SPATS2L: variants seen among roughly 807,000 people sequenced by gnomAD.
The protein encoded by SPATS2L is spermatogenesis associated serine rich 2 like.
In SPATS2L, 30 loss-of-function variants were observed where a neutral mutation model predicts 59.6. That is an observed-to-expected ratio of 0.50 (90% CI 0.38 to 0.68). SPATS2L has a LOEUF of 0.68. SPATS2L is among the 30% of genes least tolerant of loss of function. The probability of loss-of-function intolerance (pLI) is 0.00; values close to 1 mark genes in which losing one functional copy is unlikely to be tolerated. For missense variants in SPATS2L, 615 were observed against 700.0 expected (o/e 0.88, Z 1.37); for synonymous variants, 252 against 263.5 (o/e 0.96, Z 0.42).
upstream of SPATS2L, chr2:200,306,301 AG>A: frequency 1.0e-6 from 1 of 1,002,404 alleles, no homozygotes; most frequent in Non-Finnish European, 1.2e-6. Context: ...GGGTAGGAGA[AG>A]ATGATTCTCT....
chr2:200,389,481 A>AT (rs1401980047), intron 3 of SPATS2L, 198 bp downstream of exon 3: 2 of 484,696 alleles, frequency 4.1e-6, no homozygotes, highest in African/African-American at 2.0e-5. Context: ...TATGACACTC[A>AT]TTTTTTCATT....
Position 200,479,314 on chromosome 2 carries a change from C to A in SPATS2L, c.*1283C>A. The A allele has an allele frequency of 2.7e-6, 1 of 371,448 alleles. No individual in the cohort carries two copies. 23.0% of individuals were successfully genotyped at this position (371,448 alleles called of 1,614,324 possible). Reference sequence around the variant, plus strand: ...TTAAGACTCAAGTCTATTTTCCACACTGTCCAGAGGAGAGAAGTTATCCTA... The same window carrying A: ...TTAAGACTCAAGTCTATTTTCCACAATGTCCAGAGGAGAGAAGTTATCCTA... On this transcript the variant is annotated 3_prime_UTR_variant, in exon 13 of 13. Coordinates refer to ENST00000409140, the MANE Select transcript of SPATS2L (RefSeq NM_001100423.2).
intron 6 of SPATS2L, among the ~76,000 whole-genome samples, chr2:200,425,995 C>T (rs1219960076): frequency 6.6e-6 from 1 of 150,910 alleles, no homozygotes; most frequent in Non-Finnish European, 1.5e-5. Context: ...TGCCAACTTA[C>T]AGTGGTCTGA....
intron 1 of SPATS2L, among the ~76,000 whole-genome samples, chr2:200,324,305 A>C (rs1458069650): frequency 3.3e-5 from 5 of 152,120 alleles, no homozygotes; most frequent in Admixed American, 1.3e-4. Context: ...TGTGTGAGCT[A>C]AGTGCTGGAC....
intron 12 of SPATS2L, among the ~76,000 whole-genome samples, chr2:200,474,921 AG>A (rs780827150): frequency 3.3e-5 from 5 of 149,614 alleles, no homozygotes; most frequent in African/African-American, 4.9e-5. Flanking sequence ...CCAAGGAGAC[AG>A]GGCCACTGGA....
chr2:200,432,451 T>C (rs199716922), intron 6 of SPATS2L, among the ~76,000 whole-genome samples: 2 of 73,648 alleles, frequency 2.7e-5, no homozygotes, highest in Non-Finnish European at 7.2e-5. Context: ...GCCTAACATT[T>C]ATCCTCAAGG....
At chr2:200,355,397 T>TTTTAAAAATCTGGATGTCTGTC (rs2080880608) in intron 2 of SPATS2L, among the ~76,000 whole-genome samples, 1 of 152,260 alleles carries the variant, frequency 6.6e-6, no homozygotes, top group South Asian at 2.1e-4. Flanking sequence ...CAAGTATCCT[T>TTTTAAAAATCTGGATGTCTGTC]TTTAAAAATC....
At chr2:200,383,845 T>C (rs2081904872) in intron 2 of SPATS2L, 4 of 989,082 alleles carry the variant, frequency 4.0e-6, no homozygotes, top group Non-Finnish European at 4.9e-6. Context: ...CTTATATATT[T>C]CCTATGGTTT....
chr2:200,316,867 G>A (rs1017061480), intron 1 of SPATS2L, among the ~76,000 whole-genome samples: 5 of 152,132 alleles, frequency 3.3e-5, no homozygotes, highest in Non-Finnish European at 5.9e-5. Flanking sequence ...TAATTTGCCT[G>A]GAGCTTGGCT....
At chr2:200,443,829 A>G (rs1390386987) in intron 8 of SPATS2L, among the ~76,000 whole-genome samples, 2 of 152,252 alleles carry the variant, frequency 1.3e-5, no homozygotes, top group Non-Finnish European at 2.9e-5. Flanking sequence ...CCAAGCAAGC[A>G]CACATCAAGG....
intron 2 of SPATS2L, among the ~76,000 whole-genome samples, chr2:200,371,590 A>T (rs1476541142): frequency 6.6e-6 from 1 of 152,198 alleles, no homozygotes; most frequent in Non-Finnish European, 1.5e-5. Context: ...CAGGGTGAGA[A>T]GACTCCAGAC....
At chr2:200,387,691 C>G (rs2082035153) in intron 2 of SPATS2L, among the ~76,000 whole-genome samples, 1 of 152,082 alleles carries the variant, frequency 6.6e-6, no homozygotes, top group Non-Finnish European at 1.5e-5. Flanking sequence ...TGGGTACACT[C>G]TTTATAAGAA....
At chr2:200,435,845 T>G (rs1574528007) in intron 6 of SPATS2L, among the ~76,000 whole-genome samples, 1 of 152,194 alleles carries the variant, frequency 6.6e-6, no homozygotes, top group Non-Finnish European at 1.5e-5. Context: ...GGTAGCCACA[T>G]TTAAAAAGTG....
intron 3 of SPATS2L, among the ~76,000 whole-genome samples, chr2:200,391,868 C>G (rs1559091960): frequency 6.6e-6 from 1 of 152,158 alleles, no homozygotes; most frequent in Non-Finnish European, 1.5e-5. Flanking sequence ...CCCCAAGACA[C>G]AGAAGGACTA....
At position 200,337,361 on chromosome 2, in the gene SPATS2L, C is replaced by A. The variant is rs928147791; in HGVS notation, c.-23+7881C>A. On this transcript the variant is annotated intron_variant, in intron 2 of 12. Transcript: ENST00000409140. ...TGCGAAATTAAAGGGGTAAAACATT[C>A]TCAGGCTTTAACCCTTGAACTTTGG... 4.6e-5 allele frequency among the ~76,000 whole-genome samples: 7 copies of A among 152,184 alleles called. 1 individual carries two copies. The highest frequency in any genetic ancestry group is 7.2e-5 in the African/African-American group (3 of 41,432).
At chr2:200,339,137 A>G (rs181681786) in intron 2 of SPATS2L, among the ~76,000 whole-genome samples, 35 of 152,376 alleles carry the variant, frequency 2.3e-4, no homozygotes, top group Admixed American at 4.6e-4. Context: ...GTTGACTCGC[A>G]ACAACACATG....
At chr2:200,333,111 T>C (rs958786228) in intron 2 of SPATS2L, among the ~76,000 whole-genome samples, 9 of 151,580 alleles carry the variant, frequency 5.9e-5, no homozygotes, top group Non-Finnish European at 1.3e-4. Flanking sequence ...TGAATCTCTT[T>C]TCTACAAATA....
intron 6 of SPATS2L, 140 bp downstream of exon 6, chr2:200,419,636 C>T (rs776562818): frequency 3.4e-5 from 32 of 929,080 alleles, no homozygotes; most frequent in Non-Finnish European, 4.6e-5. Flanking sequence ...TTCCTGAAGC[C>T]AGGATTGGGG....
intron 1 of SPATS2L, among the ~76,000 whole-genome samples, chr2:200,310,784 A>C (rs1010840165): frequency 6.6e-6 from 1 of 152,194 alleles, no homozygotes; most frequent in Non-Finnish European, 1.5e-5. Flanking sequence ...CTAAGATGAC[A>C]TGCTCATTTT....
Sources: gnomAD v4.1 joint callset for allele counts (sites outside exome capture counted in the v4.1 genomes callset) on GRCh38, gnomAD v4.1.1 for gene constraint, MANE v1.5 for transcripts, NCBI Gene and HGNC (gene_info 2026-07-23, HGNC 2026-07-21) for gene names.